ASIC2: variants seen among roughly 807,000 people sequenced by gnomAD.
The protein encoded by ASIC2 is acid sensing ion channel subunit 2.
ASIC2 carries 25 observed loss-of-function variants against 57.3 expected under a neutral mutation model. That is an observed-to-expected ratio of 0.44 (90% CI 0.32 to 0.61). ASIC2 has a LOEUF of 0.61. Ranked by LOEUF, ASIC2 falls within the 20% of genes least tolerant of loss-of-function variation. The pLI is 0.06. For missense variants in ASIC2, 641 were observed against 738.1 expected, an observed-to-expected ratio of 0.87 and a Z score of 1.52; for synonymous variants, 319 against 307.5, an observed-to-expected ratio of 1.04 and a Z score of -0.39.
At chr17:33,254,348 T>A (rs774144848) in intron 1 of ASIC2, among the ~76,000 whole-genome samples, 1 of 152,212 alleles carries the variant, frequency 6.6e-6, no homozygotes, top group Non-Finnish European at 1.5e-5. Flanking sequence ...AAAATGTATA[T>A]CTCGGACATG....
intron 2 of ASIC2, among the ~76,000 whole-genome samples, chr17:33,109,151 CT>C (rs2092246840): frequency 1.3e-5 from 2 of 152,096 alleles, no homozygotes; most frequent in South Asian, 4.1e-4. Context: ...GTGTACACTG[CT>C]TGGGTGATGG....
intron 1 of ASIC2, among the ~76,000 whole-genome samples, chr17:33,779,421 A>T (rs540882564): frequency 7.9e-5 from 12 of 152,220 alleles, no homozygotes; most frequent in Non-Finnish European, 1.5e-4. Flanking sequence ...CGGCTCAGCA[A>T]AAGTCTAGTT....
rs765760252 is a variant in ASIC2, at chr17:33,017,496, G to C, written c.1521+109C>G. The stretch of plus-strand genomic sequence containing the variant: ...TATTGGTGGACAGGAGGGGAAGCAG[G>C]CTCTGCATGGAGAGAGGCACCGCCT... On this transcript the variant is annotated intron_variant, in intron 8 of 9. Coordinates refer to ENST00000225823, the MANE Select transcript of ASIC2 (RefSeq NM_183377.2). 4.6e-6 allele frequency: 4 copies of C among 860,372 alleles called. No homozygotes were observed. The African/African-American group carries it at 6.8e-5, about 15-fold the overall frequency. 53.3% of individuals were successfully genotyped at this position (860,372 alleles called of 1,614,324 possible).
intron 1 of ASIC2, among the ~76,000 whole-genome samples, chr17:33,660,881 C>T (rs1176448434): frequency 1.3e-5 from 2 of 152,210 alleles, no homozygotes; most frequent in South Asian, 2.1e-4. Context: ...GAGAGCTGCA[C>T]GGCACTTCTC....
chr17:33,879,643 C>T (rs1394835551), intron 1 of ASIC2, among the ~76,000 whole-genome samples: 1 of 152,136 alleles, frequency 6.6e-6, no homozygotes, highest in African/African-American at 2.4e-5. Context: ...TAGACTCCCA[C>T]ACAATAATAA....
At chr17:33,960,700 A>C (rs915478) in intron 1 of ASIC2, among the ~76,000 whole-genome samples, 17,179 of 152,062 alleles carry the variant, frequency 0.11, 1,099 homozygotes, top group Middle Eastern at 0.17. Flanking sequence ...CTGCTTCTGG[A>C]ATTTGTCCTC....
intron 1 of ASIC2, among the ~76,000 whole-genome samples, chr17:34,030,567 C>A (rs1338453684): frequency 6.6e-6 from 1 of 152,204 alleles, no homozygotes; most frequent in Non-Finnish European, 1.5e-5. Flanking sequence ...CATCGCCTCA[C>A]CTGGGAAGCT....
chr17:33,505,862 C>T (rs1245963224), intron 1 of ASIC2, among the ~76,000 whole-genome samples: 1 of 152,220 alleles, frequency 6.6e-6, no homozygotes, highest in East Asian at 1.9e-4. Flanking sequence ...TACCCCAGCA[C>T]CAGGGTGAGC....
At chr17:33,365,430 G>A (rs16968252) in intron 1 of ASIC2, among the ~76,000 whole-genome samples, 20,598 of 151,994 alleles carry the variant, frequency 0.14, 3,890 homozygotes, top group African/African-American at 0.43. Context: ...TGACATGTAG[G>A]AGGTACTTAG....
chr17:34,039,006 G>A (rs899345483), intron 1 of ASIC2: 1 of 1,614,024 alleles, frequency 6.2e-7, no homozygotes, highest in Non-Finnish European at 8.5e-7. Context: ...GGTCTTGCAT[G>A]CTCTTATCTC....
At chr17:34,037,545 T>A (rs1348279621) in intron 1 of ASIC2, 1 of 1,364,786 alleles carries the variant, frequency 7.3e-7, no homozygotes, top group Non-Finnish European at 1.0e-6. Context: ...TCGGATTCGC[T>A]ATGTTCCAAA....
chr17:33,029,762 A>C (rs1411572673), intron 3 of ASIC2, among the ~76,000 whole-genome samples: 1 of 152,230 alleles, frequency 6.6e-6, no homozygotes, highest in Non-Finnish European at 1.5e-5. Flanking sequence ...AGTGTCTGAG[A>C]ATTCTCATTA....
intron 1 of ASIC2, among the ~76,000 whole-genome samples, chr17:33,212,856 G>A (rs898473636): frequency 1.3e-5 from 2 of 152,176 alleles, no homozygotes; most frequent in African/African-American, 4.8e-5. Context: ...AAGAAAAGGA[G>A]GTAACTGAGT....
At chr17:33,595,101 C>G (rs1251843804) in intron 1 of ASIC2, among the ~76,000 whole-genome samples, 3 of 152,074 alleles carry the variant, frequency 2.0e-5, no homozygotes, top group Admixed American at 6.5e-5. Flanking sequence ...CGGCAAGTAC[C>G]TGTGGTTCCA....
At chr17:33,361,495 A>T (rs551218036) in intron 1 of ASIC2, among the ~76,000 whole-genome samples, 15 of 152,340 alleles carry the variant, frequency 9.8e-5, no homozygotes, top group African/African-American at 3.6e-4. Context: ...AATATTAACA[A>T]GAACCAACTT....
intron 1 of ASIC2, among the ~76,000 whole-genome samples, chr17:33,388,757 G>A (rs1178871531): frequency 1.3e-5 from 2 of 152,172 alleles, no homozygotes; most frequent in Admixed American, 6.5e-5. Context: ...ATCAATGCCT[G>A]CCCCACAATT....
intron 1 of ASIC2, among the ~76,000 whole-genome samples, chr17:33,988,734 G>T (rs1196340104): frequency 6.6e-6 from 1 of 151,786 alleles, no homozygotes; most frequent in Middle Eastern, 3.2e-3. Context: ...TCACAGGCCT[G>T]CCCTGAAGCT....
chr17:33,526,336 C>T (rs548794553), intron 1 of ASIC2, among the ~76,000 whole-genome samples: 10 of 152,096 alleles, frequency 6.6e-5, no homozygotes, highest in Admixed American at 1.3e-4. Flanking sequence ...TCCTGATGAT[C>T]CTGATGGGGT....
intron 1 of ASIC2, among the ~76,000 whole-genome samples, chr17:33,491,745 C>G (rs1420153758): frequency 6.6e-6 from 1 of 152,218 alleles, no homozygotes; most frequent in Non-Finnish European, 1.5e-5. Flanking sequence ...TGGCCTGAAA[C>G]TAGAGGCTAG....
Sources: gnomAD v4.1 joint callset for allele counts (sites outside exome capture counted in the v4.1 genomes callset) on GRCh38, gnomAD v4.1.1 for gene constraint, MANE v1.5 for transcripts, NCBI Gene and HGNC (gene_info 2026-07-23, HGNC 2026-07-21) for gene names.